Variants in RASA1 observed in about 807,000 individuals in gnomAD.
The protein encoded by RASA1 is ras GTPase-activating protein 1.
In RASA1, 25 loss-of-function variants were observed where a neutral mutation model predicts 132.2. The observed-to-expected ratio is 0.19, with a 90% confidence interval of 0.14 to 0.26. The LOEUF is 0.26. Among genes scored for constraint, RASA1 ranks in the 10% least tolerant of loss-of-function variants. RASA1 has a pLI of 1.00. For missense variants in RASA1, 964 were observed against 1,299.2 expected, an observed-to-expected ratio of 0.74 and a Z score of 3.97; for synonymous variants, 477 against 449.9, an observed-to-expected ratio of 1.06 and a Z score of -0.76.
chr5:87,362,478 G>A, intron 9 of RASA1, 73 bp from the exon 10 acceptor site: 1 of 1,454,652 alleles, frequency 6.9e-7, no homozygotes, highest in Non-Finnish European at 9.5e-7. Flanking sequence ...GCTTTTAATT[G>A]GTACTTTTAT....
chr5:87,359,542 A>G (rs1158334540), intron 9 of RASA1, among the ~76,000 whole-genome samples: 1 of 152,194 alleles, frequency 6.6e-6, no homozygotes, highest in Admixed American at 6.5e-5. Context: ...CTTGGAATCA[A>G]GTATTTAAAT....
intron 1 of RASA1, among the ~76,000 whole-genome samples, chr5:87,302,870 G>T (rs75365988): frequency 0.036 from 5,473 of 151,938 alleles, 188 homozygotes; most frequent in African/African-American, 0.079. Context: ...TGAGGTTTTT[G>T]GAGTCATGTT....
At chr5:87,389,975 G>A (rs1303447993) in intron 24 of RASA1, among the ~76,000 whole-genome samples, 1 of 152,106 alleles carries the variant, frequency 6.6e-6, no homozygotes, top group Non-Finnish European at 1.5e-5. Context: ...TCTGAAGTGT[G>A]GCCTTGAAAG....
intron 15 of RASA1, 152 bp downstream of exon 15, chr5:87,375,068 A>C (rs1761229905): frequency 2.7e-6 from 3 of 1,108,894 alleles, no homozygotes; most frequent in African/African-American, 1.6e-5. Context: ...TAAAGTATTG[A>C]TTATCAAGAA....
intron 1 of RASA1, among the ~76,000 whole-genome samples, chr5:87,327,419 T>G (rs564121853): frequency 6.6e-6 from 1 of 152,324 alleles, no homozygotes; most frequent in Admixed American, 6.5e-5. Context: ...AGAAATTAAT[T>G]TCCCTAATTT....
chr5:87,323,899 G>A (rs1335729852), intron 1 of RASA1, among the ~76,000 whole-genome samples: 2 of 151,950 alleles, frequency 1.3e-5, no homozygotes, highest in African/African-American at 4.8e-5. Context: ...TTGTATCCCT[G>A]TGTATCCTCC....
chr5:87,326,431 G>A (rs563287152), intron 1 of RASA1, among the ~76,000 whole-genome samples: 1 of 151,964 alleles, frequency 6.6e-6, no homozygotes, highest in Non-Finnish European at 1.5e-5. Flanking sequence ...TGAAATTAAG[G>A]GACTCCATAT....
chr5:87,360,501 A>G (rs1760006390), intron 9 of RASA1, among the ~76,000 whole-genome samples: 1 of 152,198 alleles, frequency 6.6e-6, no homozygotes, highest in Non-Finnish European at 1.5e-5. Flanking sequence ...ATTTTTGTTT[A>G]GATTTTAAAA....
intron 1 of RASA1, among the ~76,000 whole-genome samples, chr5:87,287,576 A>G (rs188536591): frequency 6.2e-5 from 9 of 146,110 alleles, no homozygotes; most frequent in African/African-American, 2.0e-4. Context: ...ACATATACAC[A>G]CCATATATAT....
chr5:87,288,501 G>T (rs1754777665), intron 1 of RASA1, among the ~76,000 whole-genome samples: 1 of 152,048 alleles, frequency 6.6e-6, no homozygotes, highest in Non-Finnish European at 1.5e-5. Context: ...TACCTGCTTG[G>T]TAATACTGGC....
chr5:87,280,126 T>C (rs1258161027), intron 1 of RASA1, among the ~76,000 whole-genome samples: 2 of 152,222 alleles, frequency 1.3e-5, no homozygotes, highest in Non-Finnish European at 2.9e-5. Context: ...CCGACTGCAT[T>C]GGATGGTGCC....
At chr5:87,377,678 A>G (rs1180647178) in intron 17 of RASA1, among the ~76,000 whole-genome samples, 1 of 151,974 alleles carries the variant, frequency 6.6e-6, no homozygotes. Context: ...TTTTATTTCT[A>G]ACTTTTATAG....
rs1008321958 is a variant in RASA1, at chr5:87,268,373, G to T, written c.-79G>T. 3.5e-6 allele frequency: 5 copies of T among 1,447,404 alleles called. No individual in the cohort carries two copies. The highest frequency in any genetic ancestry group is 2.9e-5 in the African/African-American group (2 of 69,912). The allele number at this position is 1,447,404 out of a possible 1,614,324, so 89.7% of individuals were successfully genotyped here. A position where few individuals can be genotyped will look rare whatever the true frequency, so the allele number is the denominator to read the frequency against. ...GCTGAAGGGGAGACGCGTCTGGGTG[G>T]GGCTGCTCGGAGCCCGGGCCTGGTG... On this transcript the variant is annotated 5_prime_UTR_variant, in exon 1 of 25. Coordinates refer to ENST00000274376, the MANE Select transcript of RASA1 (RefSeq NM_002890.3).
In RASA1 at chr5:87,391,836, A is replaced by G. The variant is rs1007466977; in HGVS notation, c.*953A>G. On this transcript the variant is annotated 3_prime_UTR_variant, in exon 25 of 25. Transcript: ENST00000274376. Reference sequence around the variant, plus strand: ...TGCTGGATATTTAGTTCAACTGTATAGTTTTATTTACTTCTGTATGTGTAT... The same window carrying G: ...TGCTGGATATTTAGTTCAACTGTATGGTTTTATTTACTTCTGTATGTGTAT... 4 of 231,874 alleles carry G rather than the reference A, an allele frequency of 1.7e-5. No individual in the cohort carries two copies. The East Asian group carries it at 2.5e-4, about 14-fold the overall frequency. 14.4% of individuals were successfully genotyped at this position (231,874 alleles called of 1,614,324 possible).
chr5:87,271,529 C>T (rs1215762104), intron 1 of RASA1, among the ~76,000 whole-genome samples: 5 of 116,442 alleles, frequency 4.3e-5, no homozygotes, highest in African/African-American at 6.7e-5. Flanking sequence ...AGTGAAGTGG[C>T]GTGTTTTCGG....
At chr5:87,338,536 A>ATATATTTTTTTTT in intron 5 of RASA1, among the ~76,000 whole-genome samples, 64 of 85,204 alleles carry the variant, frequency 7.5e-4, no homozygotes, top group Non-Finnish European at 1.1e-3. Flanking sequence ...TATATATAAA[A>ATATATTTTTTTTT]TTTTTTTTTT....
At chr5:87,390,257 G>T (rs1461800784) in intron 24 of RASA1, among the ~76,000 whole-genome samples, 2 of 152,170 alleles carry the variant, frequency 1.3e-5, no homozygotes, top group Non-Finnish European at 2.9e-5. Flanking sequence ...AGTGACCACA[G>T]GGACAGTTTT....
At chr5:87,388,965 A>G (rs191506887) in intron 23 of RASA1, among the ~76,000 whole-genome samples, 5 of 152,210 alleles carry the variant, frequency 3.3e-5, no homozygotes, top group Admixed American at 1.3e-4. Flanking sequence ...TATTGTACAC[A>G]TCTGTCATGC....
intron 12 of RASA1, among the ~76,000 whole-genome samples, chr5:87,371,336 G>A (rs999925366): frequency 6.6e-6 from 1 of 151,962 alleles, no homozygotes; most frequent in African/African-American, 2.4e-5. Context: ...TATAAAGACA[G>A]TCTCTAGATA....
Sources: gnomAD v4.1 joint callset for allele counts (sites outside exome capture counted in the v4.1 genomes callset) on GRCh38, gnomAD v4.1.1 for gene constraint, MANE v1.5 for transcripts, NCBI Gene and HGNC (gene_info 2026-07-23, HGNC 2026-07-21) for gene names.